Variants in SEMA3A observed in about 807,000 individuals in gnomAD.
The protein encoded by SEMA3A is semaphorin-3A.
Under a neutral mutation model 97.9 loss-of-function variants are expected in SEMA3A, and 29 were observed. The ratio of observed to expected loss-of-function variants is 0.30; its 90% CI spans 0.22 to 0.40. The LOEUF is 0.40. Ranked by LOEUF, SEMA3A falls within the 10% of genes least tolerant of loss-of-function variation. The probability of loss-of-function intolerance (pLI) is 1.00; values close to 1 mark genes in which losing one functional copy is unlikely to be tolerated. For synonymous variants in SEMA3A, 321 were observed against 323.7 expected, an observed-to-expected ratio of 0.99 and a Z score of 0.09; for missense variants, 763 against 951.3, an observed-to-expected ratio of 0.80 and a Z score of 2.60.
At position 84,406,788 on chromosome 7, in the gene SEMA3A, C is replaced by G. The variant is rs1264583924; in HGVS notation, c.-245-34888G>C. Among the ~76,000 whole-genome samples the G allele has an allele frequency of 7.9e-5, 12 of 152,156 alleles. No individual in the cohort carries two copies. In the East Asian group the frequency reaches 2.3e-3, roughly 29 times the overall value. On this transcript the variant is annotated intron_variant, in intron 1 of 3. Coordinates refer to the SEMA3A transcript ENST00000424555. Reference sequence around the variant, plus strand: ...ACATAATCCAGCATATAAACAGAACCAAAGACAAAAACCACATGATTATCT... The same window carrying G: ...ACATAATCCAGCATATAAACAGAACGAAAGACAAAAACCACATGATTATCT...
intron 4 of SEMA3A, among the ~76,000 whole-genome samples, chr7:84,068,424 T>TAAA (rs35381075): frequency 9.0e-6 from 1 of 111,480 alleles, no homozygotes; most frequent in Non-Finnish European, 1.9e-5. Flanking sequence ...AAAGTATAAT[T>TAAA]AAAAAAAAAA....
chr7:84,396,327 T>TAGA (rs1803731091), intron 1 of SEMA3A, among the ~76,000 whole-genome samples: 1 of 150,378 alleles, frequency 6.6e-6, no homozygotes. Flanking sequence ...CAAAATATAT[T>TAGA]ATATTATAAT....
chr7:84,429,533 T>TAGAG (rs1804918018), intron 1 of SEMA3A, among the ~76,000 whole-genome samples: 1 of 119,048 alleles, frequency 8.4e-6, no homozygotes, highest in African/African-American at 3.3e-5. Flanking sequence ...TATATATATA[T>TAGAG]ATATATATAT....
At chr7:84,104,059 A>G (rs1463331613) in intron 4 of SEMA3A, among the ~76,000 whole-genome samples, 1 of 152,040 alleles carries the variant, frequency 6.6e-6, no homozygotes, top group African/African-American at 2.4e-5. Context: ...GCTTTGATCC[A>G]AACTAGGTAT....
rs1423531304 is a variant in SEMA3A at position 84,049,972 on chromosome 7, T to C, written c.548-3529A>G. On this transcript the variant is annotated intron_variant, in intron 5 of 16. Coordinates refer to ENST00000265362, the MANE Select transcript of SEMA3A (RefSeq NM_006080.3). ...GAGTGAGAATATGCGGTGTTTGGTT[T>C]TTTGTTCTTGCGATAGTTTACTGAG... is the stretch of plus-strand genomic sequence containing the variant. Among the ~76,000 whole-genome samples the C allele has an allele frequency of 5.3e-4, 79 of 149,744 alleles. 1 individual carries two copies. Among genetic ancestry groups the C allele is most frequent in the African/African-American group, 1.9e-3 (77 of 40,590 alleles).
At chr7:84,361,027 T>G (rs1018538266) in intron 2 of SEMA3A, among the ~76,000 whole-genome samples, 4 of 152,150 alleles carry the variant, frequency 2.6e-5, no homozygotes, top group African/African-American at 9.6e-5. Flanking sequence ...AAAATTAGTT[T>G]AATATTCAAT....
rs181358708 is a variant in SEMA3A at position 84,368,981 on chromosome 7, C to A, written c.-169+2843G>T. 7.6e-3 allele frequency among the ~76,000 whole-genome samples: 1,141 copies of A among 150,840 alleles called. 10 individuals are homozygous for A. Among genetic ancestry groups the A allele is most frequent in the Non-Finnish European group, 0.012 (788 of 67,238 alleles). The stretch of plus-strand genomic sequence containing the variant: ...GATTTTCCATCAAATATATATCCAG[C>A]CCAAAAACTGCAGATCTCACTAGAT... On this transcript the variant is annotated intron_variant, in intron 2 of 3. Coordinates refer to the SEMA3A transcript ENST00000424555.
chr7:84,068,010 C>G (rs1327495350), intron 4 of SEMA3A, among the ~76,000 whole-genome samples: 11 of 125,120 alleles, frequency 8.8e-5, no homozygotes, highest in Non-Finnish European at 1.8e-4. Context: ...ATAGCAAAGA[C>G]TTGGAACCAA....
intron 1 of SEMA3A, among the ~76,000 whole-genome samples, chr7:84,189,161 A>T (rs1797967813): frequency 6.6e-6 from 1 of 151,890 alleles, no homozygotes; most frequent in African/African-American, 2.4e-5. Context: ...TGGTCTTTTT[A>T]AAATAAACCT....
intron 1 of SEMA3A, among the ~76,000 whole-genome samples, chr7:84,139,606 T>C (rs1796240060): frequency 1.3e-5 from 2 of 152,074 alleles, no homozygotes; most frequent in South Asian, 4.2e-4. Flanking sequence ...ATTCTTACTA[T>C]TATATAAGAC....
chr7:84,464,701 T>C (rs540866162), intron 1 of SEMA3A, among the ~76,000 whole-genome samples: 3 of 152,318 alleles, frequency 2.0e-5, no homozygotes, highest in African/African-American at 7.2e-5. Flanking sequence ...ATCATTGTAA[T>C]TGATGCATAG....
At chr7:84,305,482 C>T (rs1463335084) in intron 3 of SEMA3A, among the ~76,000 whole-genome samples, 1 of 151,992 alleles carries the variant, frequency 6.6e-6, no homozygotes, top group Non-Finnish European at 1.5e-5. Context: ...TGGTTGACTT[C>T]TATCCACTAT....
Position 84,143,155 on chromosome 7 carries a change from A to G in SEMA3A, c.113-8204T>C, listed in dbSNP as rs115069514. Among the ~76,000 whole-genome samples the G allele has an allele frequency of 3.1e-3, 475 of 152,286 alleles. 1 individual carries two copies. The highest frequency in any genetic ancestry group is 0.011 in the African/African-American group (449 of 41,560). ...ACTTCCTTTCCAGGTTTACACCAAC[A>G]AACCATGTTATATACTGCCCCCAGA... On this transcript the variant is annotated intron_variant, in intron 1 of 16. Transcript: ENST00000265362.
At chr7:84,164,593 A>G (rs1797143522) in intron 1 of SEMA3A, among the ~76,000 whole-genome samples, 1 of 152,142 alleles carries the variant, frequency 6.6e-6, no homozygotes, top group Admixed American at 6.6e-5. Context: ...AGACCCATAT[A>G]AACACATTTA....
chr7:84,150,393 C>T (rs1045720551), intron 1 of SEMA3A, among the ~76,000 whole-genome samples: 3 of 152,086 alleles, frequency 2.0e-5, no homozygotes, highest in Admixed American at 6.5e-5. Flanking sequence ...ACACTGTGCG[C>T]GAGCCGAAGC....
At chr7:84,415,733 T>C (rs117136447) in intron 1 of SEMA3A, among the ~76,000 whole-genome samples, 218 of 152,246 alleles carry the variant, frequency 1.4e-3, no homozygotes, top group Non-Finnish European at 2.4e-3. Context: ...TTTTCTTATA[T>C]ATATTTTAAG....
intron 3 of SEMA3A, among the ~76,000 whole-genome samples, chr7:84,207,699 G>C (rs1798523071): frequency 6.6e-6 from 1 of 152,152 alleles, no homozygotes; most frequent in East Asian, 1.9e-4. Flanking sequence ...CTAAAACTCA[G>C]GCATGATAAA....
At chr7:84,428,470 T>C (rs1584318408) in intron 1 of SEMA3A, among the ~76,000 whole-genome samples, 1 of 152,176 alleles carries the variant, frequency 6.6e-6, no homozygotes, top group South Asian at 2.1e-4. Flanking sequence ...ATAGTTTACC[T>C]CTTAAAAAAC....
At position 84,376,465 on chromosome 7, in the gene SEMA3A, G is replaced by A. The variant is rs1003486841; in HGVS notation, c.-245-4565C>T. Among the ~76,000 whole-genome samples, 28 of 142,384 alleles carry A rather than the reference G, an allele frequency of 2.0e-4. 2 individuals carry two copies. The highest frequency in any genetic ancestry group is 1.5e-3 in the Admixed American group (20 of 13,700). 93.4% of individuals were successfully genotyped at this position (142,384 alleles called of 152,430 possible). On this transcript the variant is annotated intron_variant, in intron 1 of 3. Transcript: ENST00000424555. The stretch of plus-strand genomic sequence containing the variant: ...AAAAACACAAAAAAATTAGCCGGGC[G>A]TGGTGGCGGGCGCCTGTAGTCCCAG...
Sources: gnomAD v4.1 joint callset for allele counts (sites outside exome capture counted in the v4.1 genomes callset) on GRCh38, gnomAD v4.1.1 for gene constraint, MANE v1.5 for transcripts, NCBI Gene and HGNC (gene_info 2026-07-23, HGNC 2026-07-21) for gene names.